The following MKLN1 variants were observed in gnomAD, a reference collection of about 807,000 sequenced individuals.
MKLN1 encodes muskelin.
MKLN1 carries 18 observed loss-of-function variants against 99.0 expected under a neutral mutation model. The observed-to-expected ratio is 0.18, with a 90% CI of 0.13 to 0.27. The LOEUF is 0.27. MKLN1 is among the 10% of genes least tolerant of loss of function. MKLN1 has a pLI of 1.00. For synonymous variants in MKLN1, 288 were observed against 293.2 expected, an observed-to-expected ratio of 0.98 and a Z score of 0.18; for missense variants, 621 against 875.9, an observed-to-expected ratio of 0.71 and a Z score of 3.67.
intron 2 of MKLN1, among the ~76,000 whole-genome samples, chr7:131,156,840 T>G (rs1795977006): frequency 6.6e-6 from 1 of 152,190 alleles, no homozygotes; most frequent in Non-Finnish European, 1.5e-5. Flanking sequence ...AGGCACTGTT[T>G]TAAGTACTTT....
At chr7:131,159,559 G>A (rs965901232) in intron 2 of MKLN1, among the ~76,000 whole-genome samples, 1 of 152,110 alleles carries the variant, frequency 6.6e-6, no homozygotes, top group African/African-American at 2.4e-5. Flanking sequence ...GTTACCAGAG[G>A]CTGGGAAGGG....
chr7:131,192,042 G>GTATATGTATACATGTATATATATAT (rs1584821753), intron 2 of MKLN1, among the ~76,000 whole-genome samples: 3 of 109,352 alleles, frequency 2.7e-5, no homozygotes, highest in Admixed American at 1.0e-4. Flanking sequence ...ATGTGTGTGT[G>GTATATGTATACATGTATATATATAT]TATATGTATA....
chr7:131,390,688 G>A (rs1274705073), intron 4 of MKLN1, among the ~76,000 whole-genome samples: 1 of 152,026 alleles, frequency 6.6e-6, no homozygotes, highest in Non-Finnish European at 1.5e-5. Flanking sequence ...TTTTTATGGT[G>A]AGAACATTTA....
At chr7:131,400,928 A>C (rs1794526172) in intron 6 of MKLN1, among the ~76,000 whole-genome samples, 1 of 152,114 alleles carries the variant, frequency 6.6e-6, no homozygotes, top group Non-Finnish European at 1.5e-5. Context: ...GGGCTTTCTA[A>C]ACTGGCCTGG....
intron 4 of MKLN1, among the ~76,000 whole-genome samples, chr7:131,390,188 A>G (rs1035546692): frequency 6.6e-6 from 1 of 152,210 alleles, no homozygotes. Flanking sequence ...TTTTGGAACA[A>G]TTGGATTCCA....
intron 1 of MKLN1, among the ~76,000 whole-genome samples, chr7:131,123,956 T>C (rs1190547391): frequency 2.0e-5 from 3 of 152,226 alleles, no homozygotes; most frequent in East Asian, 3.8e-4. Context: ...AGTATCAATG[T>C]ATAAATGCAG....
chr7:131,144,111 A>G (rs1795781093), intron 2 of MKLN1, among the ~76,000 whole-genome samples: 1 of 152,192 alleles, frequency 6.6e-6, no homozygotes, highest in African/African-American at 2.4e-5. Context: ...GTTCAGCACT[A>G]GATGCTCAGC....
Position 131,192,119 on chromosome 7 carries a change from A to G in MKLN1, c.-296-10738A>G, listed in dbSNP as rs1223196992. On this transcript the variant is annotated intron_variant, in intron 2 of 7. Transcript: ENST00000416992. ...ATATGTATATATATATTATATATAT[A>G]CGTATATATATAAAAATATATATAC... 7.2e-5 allele frequency among the ~76,000 whole-genome samples: 6 copies of G among 83,560 alleles called. 1 individual carries two copies. Among genetic ancestry groups the G allele is most frequent in the Non-Finnish European group, 1.3e-4 (6 of 44,556 alleles). The allele number at this position is 83,560 out of a possible 152,430, so 54.8% of individuals were successfully genotyped here. A position where few individuals can be genotyped will look rare whatever the true frequency, so the allele number is the denominator to read the frequency against.
At chr7:131,111,244 T>C (rs903235226) in intron 1 of MKLN1, among the ~76,000 whole-genome samples, 3 of 152,202 alleles carry the variant, frequency 2.0e-5, no homozygotes, top group Non-Finnish European at 2.9e-5. Flanking sequence ...CTCCTGCTGC[T>C]CTCTAATCAC....
chr7:131,411,028 C>T (rs975563119), intron 6 of MKLN1, among the ~76,000 whole-genome samples: 1 of 152,034 alleles, frequency 6.6e-6, no homozygotes, highest in African/African-American at 2.4e-5. Context: ...GACTTTGTAT[C>T]TAATACATAC....
intron 3 of MKLN1, among the ~76,000 whole-genome samples, chr7:131,286,169 C>T (rs184824148): frequency 2.5e-4 from 38 of 152,230 alleles, no homozygotes; most frequent in African/African-American, 8.2e-4. Flanking sequence ...AGGCTGGTCT[C>T]GAACTCCTGA....
chr7:131,139,539 C>T (rs1795700609), intron 1 of MKLN1, among the ~76,000 whole-genome samples: 1 of 152,180 alleles, frequency 6.6e-6, no homozygotes, highest in Non-Finnish European at 1.5e-5. Flanking sequence ...GCTGCAGAGC[C>T]AGCTGTTTGT....
intron 2 of MKLN1, among the ~76,000 whole-genome samples, chr7:131,161,561 A>T (rs1432199516): frequency 1.3e-5 from 2 of 151,626 alleles, no homozygotes; most frequent in Non-Finnish European, 2.9e-5. Flanking sequence ...TTTATTTTTT[A>T]TTTTTTTTGA....
chr7:131,445,417 C>T (rs186578387), intron 11 of MKLN1, among the ~76,000 whole-genome samples: 14 of 152,246 alleles, frequency 9.2e-5, no homozygotes, highest in Admixed American at 3.9e-4. Flanking sequence ...TCTCTATTCT[C>T]GCTCTCGCTT....
At chr7:131,387,805 A>G (rs1450289984) in intron 3 of MKLN1, among the ~76,000 whole-genome samples, 1 of 152,202 alleles carries the variant, frequency 6.6e-6, no homozygotes, top group East Asian at 1.9e-4. Flanking sequence ...GAAGGTGTTA[A>G]TTTGCTGCCC....
chr7:131,354,525 G>C (rs1018996668), intron 1 of MKLN1, among the ~76,000 whole-genome samples: 1 of 149,376 alleles, frequency 6.7e-6, no homozygotes. Flanking sequence ...GGGGGGGGGC[G>C]TAAATCTTGT....
At chr7:131,218,985 T>C (rs1797024114) in intron 3 of MKLN1, among the ~76,000 whole-genome samples, 1 of 152,176 alleles carries the variant, frequency 6.6e-6, no homozygotes, top group Admixed American at 6.5e-5. Flanking sequence ...ATTACACTCA[T>C]GTGAAGTATC....
chr7:131,385,178 AG>A (rs1199829222), intron 2 of MKLN1, among the ~76,000 whole-genome samples: 1 of 152,156 alleles, frequency 6.6e-6, no homozygotes, highest in Non-Finnish European at 1.5e-5. Flanking sequence ...TCCAGGTTGT[AG>A]TGTGTGTCAG....
At chr7:131,304,493 A>G (rs959765578) in intron 3 of MKLN1, among the ~76,000 whole-genome samples, 1 of 152,238 alleles carries the variant, frequency 6.6e-6, no homozygotes, top group African/African-American at 2.4e-5. Flanking sequence ...ATGGCAGCTA[A>G]CATATTTGGA....
Sources: gnomAD v4.1 joint callset for allele counts (sites outside exome capture counted in the v4.1 genomes callset) on GRCh38, gnomAD v4.1.1 for gene constraint, MANE v1.5 for transcripts, NCBI Gene and HGNC (gene_info 2026-07-23, HGNC 2026-07-21) for gene names.